The following ANO4 variants were observed in gnomAD, a reference collection of about 807,000 sequenced individuals.
The protein encoded by ANO4 is anoctamin 4.
A neutral mutation model predicts 141.9 loss-of-function variants in ANO4; 69 were observed. The observed-to-expected ratio is 0.49, with a 90% CI of 0.40 to 0.59. The LOEUF (loss-of-function observed/expected upper bound fraction) is 0.59, where lower values mean the gene tolerates loss of function less well. Ranked by LOEUF, ANO4 falls within the 20% of genes least tolerant of loss-of-function variation. The pLI is 0.00. For synonymous variants in ANO4, 350 were observed against 394.3 expected, an observed-to-expected ratio of 0.89 and a Z score of 1.33; for missense variants, 894 against 1,162.2, an observed-to-expected ratio of 0.77 and a Z score of 3.36.
chr12:100,968,400 A>G (rs1246037256), intron 5 of ANO4, among the ~76,000 whole-genome samples: 1 of 152,192 alleles, frequency 6.6e-6, no homozygotes, highest in Non-Finnish European at 1.5e-5. Flanking sequence ...CAGTAAATCT[A>G]TGGAGAGAGT....
chr12:100,759,813 A>G (rs759039639), intron 3 of ANO4, among the ~76,000 whole-genome samples: 10 of 152,174 alleles, frequency 6.6e-5, no homozygotes, highest in Admixed American at 1.3e-4. Context: ...CTGCTGGGGT[A>G]GTTTCCCATG....
chr12:101,109,607 TCCTCTG>T (rs2050584974), intron 22 of ANO4, among the ~76,000 whole-genome samples: 1 of 152,106 alleles, frequency 6.6e-6, no homozygotes, highest in Non-Finnish European at 1.5e-5. Flanking sequence ...TTTTCCAGGT[TCCTCTG>T]CTAAAAAGTT....
chr12:101,077,324 C>T (rs1023146813), intron 14 of ANO4, among the ~76,000 whole-genome samples: 2 of 152,160 alleles, frequency 1.3e-5, no homozygotes, highest in African/African-American at 4.8e-5. Flanking sequence ...TGCACCTTTT[C>T]CCTTTGCAGA....
chr12:100,798,796 C>T (rs752587568), intron 1 of ANO4, among the ~76,000 whole-genome samples: 6 of 152,246 alleles, frequency 3.9e-5, no homozygotes, highest in Non-Finnish European at 8.8e-5. Flanking sequence ...GTCTGAAGAG[C>T]GAAGAAATGT....
chr12:101,074,361 T>A (rs2048942591), intron 14 of ANO4, among the ~76,000 whole-genome samples: 1 of 152,132 alleles, frequency 6.6e-6, no homozygotes, highest in East Asian at 1.9e-4. Context: ...GTCACCTGGG[T>A]TCTACCCGTC....
chr12:100,954,317 C>T (rs878990771), intron 5 of ANO4, among the ~76,000 whole-genome samples: 1 of 152,152 alleles, frequency 6.6e-6, no homozygotes, highest in Admixed American at 6.5e-5. Flanking sequence ...AGCAGCAGGT[C>T]ACAGGTGCCG....
intron 3 of ANO4, among the ~76,000 whole-genome samples, chr12:100,768,956 A>ATGTCT (rs2033192300): frequency 6.6e-6 from 1 of 152,206 alleles, no homozygotes; most frequent in Non-Finnish European, 1.5e-5. Flanking sequence ...ATGTCATGTC[A>ATGTCT]TGAATCTCTG....
chr12:100,718,706 G>C (rs2030723585), intron 1 of ANO4, among the ~76,000 whole-genome samples: 1 of 152,114 alleles, frequency 6.6e-6, no homozygotes, highest in Non-Finnish European at 1.5e-5. Flanking sequence ...CTGGTGGCCT[G>C]TTTTTTCTTT....
At position 100,939,387 on chromosome 12, in the gene ANO4, T is replaced by C. The variant is rs1340682973; in HGVS notation, c.233T>C (p.Leu78Pro). The C allele has an allele frequency of 6.2e-7, 1 of 1,613,830 alleles. No homozygotes were observed. Among genetic ancestry groups the C allele is most frequent in the South Asian group, 1.1e-5 (1 of 91,058 alleles). The change falls in exon 4 of 28, where the codon CTT becomes CCT. Residue 78 changes from leucine (L) to proline (P), a missense_variant. By Grantham distance (98) the Leu-to-Pro change is moderately conservative (BLOSUM62 -3). Transcript: ENST00000392977. ...VSSPCKDDDS[L>P]LHPGNLTSTS... ...AGTCCTTGCAAAGATGACGATTCTC[T>C]TCTTCACCCTGGAAACCTGACTAGT...
At chr12:101,106,334 A>G (rs1345534923) in intron 22 of ANO4, among the ~76,000 whole-genome samples, 1 of 152,218 alleles carries the variant, frequency 6.6e-6, no homozygotes, top group East Asian at 1.9e-4. Flanking sequence ...TTGAAGATGT[A>G]ATGTCTGAGA....
chr12:100,798,433 G>C (rs1349808819), intron 1 of ANO4, among the ~76,000 whole-genome samples: 1 of 152,162 alleles, frequency 6.6e-6, no homozygotes, highest in African/African-American at 2.4e-5. Context: ...AATCTACTTG[G>C]AAAGGAACTT....
intron 1 of ANO4, among the ~76,000 whole-genome samples, chr12:100,890,049 AATT>A (rs2040028015): frequency 1.3e-5 from 2 of 152,098 alleles, no homozygotes; most frequent in Admixed American, 6.5e-5. Flanking sequence ...CTATAATCAT[AATT>A]ATTATAGTTA....
chr12:100,780,690 G>A (rs2033686146), intron 3 of ANO4, among the ~76,000 whole-genome samples: 1 of 152,064 alleles, frequency 6.6e-6, no homozygotes, highest in Admixed American at 6.5e-5. Context: ...TTGATCAATA[G>A]AGTCCTGACT....
At chr12:100,949,883 A>C (rs747603995) in intron 5 of ANO4, among the ~76,000 whole-genome samples, 22 of 152,154 alleles carry the variant, frequency 1.4e-4, no homozygotes, top group Non-Finnish European at 2.9e-4. Context: ...ACAACAACAA[A>C]AACTGTATTT....
chr12:101,096,969 G>A (rs547559579), intron 19 of ANO4, among the ~76,000 whole-genome samples: 3 of 152,284 alleles, frequency 2.0e-5, no homozygotes, highest in African/African-American at 7.2e-5. Context: ...TATGACGGCA[G>A]GTGGTACAAC....
At chr12:101,071,351 A>G (rs114372227) in intron 14 of ANO4, among the ~76,000 whole-genome samples, 1,528 of 151,956 alleles carry the variant, frequency 0.01, 15 homozygotes, top group African/African-American at 0.021. Context: ...AAAAAAAAAA[A>G]AGAGAATGAC....
chr12:101,037,463 C>T (rs955103854), intron 10 of ANO4, among the ~76,000 whole-genome samples: 2 of 152,104 alleles, frequency 1.3e-5, no homozygotes, highest in Non-Finnish European at 2.9e-5. Flanking sequence ...GCACCAAATC[C>T]ACAAGAAGAA....
intron 1 of ANO4, among the ~76,000 whole-genome samples, chr12:100,889,329 C>T (rs370305034): frequency 3.3e-5 from 5 of 152,050 alleles, no homozygotes; most frequent in East Asian, 3.9e-4. Context: ...TGAATAGTGC[C>T]GCAGTAAACA....
intron 5 of ANO4, among the ~76,000 whole-genome samples, chr12:100,953,273 T>TG (rs2043046606): frequency 2.0e-5 from 3 of 152,248 alleles, no homozygotes. Context: ...ACACTAATTA[T>TG]TCATTAATGG....
Sources: allele counts gnomAD v4.1 joint callset (sites outside exome capture counted in the v4.1 genomes callset), GRCh38; gene constraint gnomAD v4.1.1; transcripts MANE v1.5; gene names NCBI Gene and HGNC (gene_info 2026-07-23, HGNC 2026-07-21).